Variants in AHDC1 observed in about 807,000 individuals in gnomAD.
AHDC1 encodes transcription factor Gibbin.
AHDC1 carries 7 observed loss-of-function variants against 87.9 expected under a neutral mutation model. The ratio of observed to expected loss-of-function variants is 0.08; its 90% CI spans 0.05 to 0.15. AHDC1 has a LOEUF of 0.15. Among genes scored for constraint, AHDC1 ranks in the 10% least tolerant of loss-of-function variants. The pLI is 1.00. For synonymous variants in AHDC1, 1,051 were observed against 1,006.8 expected (o/e 1.04, Z -0.83); for missense variants, 1,841 against 2,253.2 (o/e 0.82, Z 3.70).
In AHDC1 at chr1:27,583,965, A is replaced by G. The variant is rs936480554; in HGVS notation, c.-629+19432T>C. 1.2e-4 allele frequency among the ~76,000 whole-genome samples: 18 copies of G among 152,236 alleles called. 1 individual carries two copies. The highest frequency in any genetic ancestry group is 1.0e-3 in the Admixed American group (16 of 15,284). On this transcript the variant is annotated intron_variant, in intron 3 of 8. Transcript: ENST00000673934. ...CTCTTTCCAGATTATGGTGGTAACAATAAGATTGCTAACATGACCCCTTAT... is the reference window on the plus strand; with the variant it reads ...CTCTTTCCAGATTATGGTGGTAACAGTAAGATTGCTAACATGACCCCTTAT...
chr1:27,592,869 G>A (rs569611356), intron 3 of AHDC1, among the ~76,000 whole-genome samples: 3 of 151,638 alleles, frequency 2.0e-5, no homozygotes, highest in South Asian at 2.1e-4. Context: ...CCTCTACCTC[G>A]GGCCCAGCTC....
In AHDC1 at chr1:27,551,478, C is replaced by T. The variant is rs1303066455; in HGVS notation, c.638G>A (p.Gly213Asp). ...CGCAGCCGTGGCTCCGGGACTATGG[C>T]CTTGGCCAGGCTGGGGACTGTCCCT... ...EPRDSPQPGQ[G>D]HSPGATAAAT... Residue 213 changes from glycine to aspartate, a missense_variant, in exon 8 of 9, where the codon GGC becomes GAC. Gly to Asp is a moderately conservative substitution (Grantham distance 94, BLOSUM62 -1). Coordinates refer to ENST00000673934, the MANE Select transcript of AHDC1 (RefSeq NM_001371928.1). The T allele has an allele frequency of 1.9e-6, 3 of 1,608,556 alleles. No homozygotes were observed. In the African/African-American group the frequency reaches 4.0e-5, roughly 21 times the overall value.
intron 5 of AHDC1, among the ~76,000 whole-genome samples, chr1:27,554,094 T>C (rs1166934033): frequency 6.6e-6 from 1 of 152,158 alleles, no homozygotes; most frequent in African/African-American, 2.4e-5. Flanking sequence ...AAAAAGTTTG[T>C]TGCATGAATG....
intron 3 of AHDC1, among the ~76,000 whole-genome samples, chr1:27,594,393 CCT>C (rs945902941): frequency 6.6e-5 from 10 of 152,272 alleles, no homozygotes; most frequent in African/African-American, 1.9e-4. Context: ...GGCAACTCCC[CCT>C]GTCCCTCTCT....
intron 3 of AHDC1, among the ~76,000 whole-genome samples, chr1:27,573,370 T>C (rs1201898697): frequency 6.6e-6 from 1 of 152,130 alleles, no homozygotes; most frequent in Non-Finnish European, 1.5e-5. Context: ...TTTTCTTTCA[T>C]AGTTCCCCAG....
Position 27,547,542 on chromosome 1 carries a change from G to A in AHDC1, c.4574C>T (p.Pro1525Leu). The change falls in exon 8 of 9, where the codon CCT (proline) becomes CTT (leucine). Residue 1525 changes from proline (P) to leucine (L), a missense_variant. This residue lies in a region of AHDC1 where 505 missense variants were observed against 626.2 expected (regional missense o/e 0.81). Transcript: ENST00000673934. This position sits in a 1 kb window ranked among gnomAD's most constrained non-coding sequence, Gnocchi z 4.9. ...DKEPLEMARP[P>L]GPPRGPAAAA... ...TGCAGCAGGGCCACGGGGTGGGCCA[G>A]GGGGCCGGGCCATTTCCAGTGGCTC... 6.2e-7 allele frequency: 1 copy of A among 1,611,070 alleles called. No homozygotes were observed. Among genetic ancestry groups the A allele is most frequent in the Non-Finnish European group, 8.5e-7 (1 of 1,178,946 alleles).
chr1:27,551,425 G>T lies in AHDC1; in HGVS notation c.691C>A (p.Pro231Thr). 6.2e-7 allele frequency: 1 copy of T among 1,613,240 alleles called. No individual in the cohort carries two copies. Among genetic ancestry groups the T allele is most frequent in the Non-Finnish European group, 8.5e-7 (1 of 1,179,942 alleles). Reference sequence around the variant, plus strand: ...AGTTCTGAGTAATCAGTGCTGTCTGGCTCAGGCTCTGGGGGCAGACCCGTG... The same window carrying T: ...AGTTCTGAGTAATCAGTGCTGTCTGTCTCAGGCTCTGGGGGCAGACCCGTG... ...AATGLPPEPE[P>T]DSTDYSELAD... The change falls in exon 8 of 9, where the codon CCA becomes ACA. Residue 231 changes from proline to threonine, a missense_variant. Physicochemically the swap from Pro to Thr is conservative, Grantham distance 38. Transcript: ENST00000673934.
At chr1:27,584,271 G>A (rs1165621907) in intron 3 of AHDC1, among the ~76,000 whole-genome samples, 1 of 152,132 alleles carries the variant, frequency 6.6e-6, no homozygotes, top group Non-Finnish European at 1.5e-5. Context: ...CAACCCCAGG[G>A]AGGGACCCTT....
intron 3 of AHDC1, among the ~76,000 whole-genome samples, chr1:27,589,977 T>C (rs2089178163): frequency 6.6e-6 from 1 of 151,796 alleles, no homozygotes; most frequent in South Asian, 2.1e-4. Context: ...TAGTGCCCAC[T>C]GTGGGCTGGG....
Position 27,575,284 on chromosome 1 carries a change from AG to A in AHDC1, c.-628-16402del, listed in dbSNP as rs888230823. 1.6e-4 allele frequency among the ~76,000 whole-genome samples: 25 copies of A among 152,196 alleles called. No homozygotes were observed. In the Middle Eastern group the frequency reaches 0.024, roughly 145 times the overall value. Reference sequence around the variant, plus strand: ...CCACAGAGTTTCTGGCTCCTGGAGGAGGTGACGGGCGGAGAGGGAAACCAGG... The same window carrying A: ...CCACAGAGTTTCTGGCTCCTGGAGGAGTGACGGGCGGAGAGGGAAACCAGG... On this transcript the variant is annotated intron_variant, in intron 3 of 8. Coordinates refer to ENST00000673934, the MANE Select transcript of AHDC1 (RefSeq NM_001371928.1).
intron 3 of AHDC1, among the ~76,000 whole-genome samples, chr1:27,564,812 G>T (rs1225086991): frequency 6.6e-6 from 1 of 152,144 alleles, no homozygotes; most frequent in Non-Finnish European, 1.5e-5. Context: ...TAAGGGGAGG[G>T]AGGCACCCCA....
At position 27,548,931 on chromosome 1, in the gene AHDC1, G is replaced by A. The variant is rs1171542712; in HGVS notation, c.3185C>T (p.Thr1062Ile). 6.3e-7 allele frequency: 1 copy of A among 1,593,006 alleles called. No homozygotes were observed. Among genetic ancestry groups the A allele is most frequent in the Middle Eastern group, 1.7e-4 (1 of 5,992 alleles). The change falls in exon 8 of 9, where the codon ACA becomes ATA. Residue 1062 changes from threonine (T) to isoleucine (I), a missense_variant. Physicochemically the swap from Thr to Ile is moderately conservative, Grantham distance 89. Around this residue, in one of 13 missense-constraint regions of AHDC1, gnomAD observed 378 missense variants for 399.0 expected, o/e 0.95. Transcript: ENST00000673934. ...TACCATGTAGCCACCGGGCGAGACT[G>A]TGCTGGCCCGGCTGTCACAGCGCAG... ...TPLRCDSRAS[T>I]VSPGGYMVPK...
rs749555617 is a variant in AHDC1 at position 27,549,065 on chromosome 1, G to A, written c.3051C>T (p.Ser1017=). ...SLPASPSSAH[S]AGYAPPPTGG... ...CGGTAGGCGGTGGGGCATAGCCGGCGCTGTGGGCGCTGCTGGGTGAGGCAG... is the reference window on the plus strand; with the variant it reads ...CGGTAGGCGGTGGGGCATAGCCGGCACTGTGGGCGCTGCTGGGTGAGGCAG... Residue 1017 remains serine (S), a synonymous_variant, in exon 8 of 9, where the codon AGC becomes AGT. Coordinates refer to ENST00000673934, the MANE Select transcript of AHDC1 (RefSeq NM_001371928.1). 2.0e-5 allele frequency: 32 copies of A among 1,566,388 alleles called. No homozygotes were observed. Among genetic ancestry groups the A allele is most frequent in the East Asian group, 1.4e-4 (6 of 44,444 alleles).
rs2020010306 is a variant in AHDC1 at position 27,560,211 on chromosome 1, T to TGC, written c.-628-1329_-628-1328insGC. Among the ~76,000 whole-genome samples, 4 of 151,576 alleles carry TGC rather than the reference T, an allele frequency of 2.6e-5. No individual in the cohort carries two copies. Among genetic ancestry groups the TGC allele is most frequent in the African/African-American group, 9.7e-5 (4 of 41,180 alleles). ...TATTTCTATTCGTTTTGTGTGTGTG[T>TGC]GTGTGTGTGTGTGAGTCTAGCTAAG... On this transcript the variant is annotated intron_variant, in intron 3 of 8. Transcript: ENST00000673934. The surrounding 1 kb of genome is among the most constrained non-coding windows in gnomAD (Gnocchi z 4.1).
At position 27,549,984 on chromosome 1, in the gene AHDC1, C is replaced by G. The variant is rs908409288; in HGVS notation, c.2132G>C (p.Gly711Ala). Residue 711 changes from glycine to alanine, a missense_variant, in exon 8 of 9, where the codon GGG (glycine) becomes GCG (alanine). This residue lies in a region of AHDC1 where 236 missense variants were observed against 257.9 expected (regional missense o/e 0.92). Coordinates refer to ENST00000673934, the MANE Select transcript of AHDC1 (RefSeq NM_001371928.1). ...CTCAGTAAGGCCCGGGCCCCCGACCCCAGCGGCTGCCACGGCCACCACCTT... is the reference window on the plus strand; with the variant it reads ...CTCAGTAAGGCCCGGGCCCCCGACCGCAGCGGCTGCCACGGCCACCACCTT... ...KKKVVAVAAA[G>A]VGGPGLTELG... 6.2e-7 allele frequency: 1 copy of G among 1,602,332 alleles called. No individual in the cohort carries two copies. The highest frequency in any genetic ancestry group is 2.2e-5 in the East Asian group (1 of 44,646).
intron 3 of AHDC1, among the ~76,000 whole-genome samples, chr1:27,581,023 C>T (rs1331344108): frequency 4.6e-5 from 7 of 152,090 alleles, no homozygotes; most frequent in Admixed American, 3.9e-4. Flanking sequence ...TTAGTAGAGA[C>T]GAGGTTTCAC....
chr1:27,597,376 TGAGAGA>T lies in AHDC1; in HGVS notation c.-629+6015_-629+6020del, dbSNP rs150236055. ...GTGTGACAGTGTGAGAGTGTGTGTG[TGAGAGA>T]GAGAGAGAGAGAGACGCAGGGCCTG... On this transcript the variant is annotated intron_variant, in intron 3 of 8. Transcript: ENST00000673934. Among the ~76,000 whole-genome samples the T allele has an allele frequency of 2.7e-5, 4 of 149,830 alleles. No individual in the cohort carries two copies. In the East Asian group the frequency reaches 5.9e-4, roughly 22 times the overall value.
intron 3 of AHDC1, among the ~76,000 whole-genome samples, chr1:27,566,433 G>A (rs2020316450): frequency 6.6e-6 from 1 of 151,964 alleles, no homozygotes; most frequent in Non-Finnish European, 1.5e-5. Flanking sequence ...ATGATGCAGA[G>A]ACAAAGACAC....
intron 3 of AHDC1, among the ~76,000 whole-genome samples, chr1:27,570,541 A>C (rs1571292981): frequency 6.6e-6 from 1 of 151,890 alleles, no homozygotes; most frequent in Non-Finnish European, 1.5e-5. Context: ...AAATCCTCTG[A>C]CCCAGCCAAA....
Sources: gnomAD v4.1 joint callset for allele counts (sites outside exome capture counted in the v4.1 genomes callset) on GRCh38, gnomAD v4.1.1 for gene constraint, gnomAD v4.1.1 regional missense constraint, Gnocchi (gnomAD v3.1) non-coding constraint, MANE v1.5 for transcripts, NCBI Gene and HGNC (gene_info 2026-07-23, HGNC 2026-07-21) for gene names.